DDX60: variants seen among roughly 807,000 people sequenced by gnomAD.
DDX60 encodes the protein DExD/H-box helicase 60.
In DDX60, 165 loss-of-function variants were observed where a neutral mutation model predicts 212.8. The observed-to-expected ratio is 0.78, with a 90% CI of 0.68 to 0.88. The LOEUF (loss-of-function observed/expected upper bound fraction) is 0.88, where lower values mean the gene tolerates loss of function less well. Ranked by LOEUF, DDX60 falls within the 40% of genes least tolerant of loss-of-function variation. The pLI is 0.00. For synonymous variants in DDX60, 703 were observed against 685.3 expected, an observed-to-expected ratio of 1.03 and a Z score of -0.40; for missense variants, 1,905 against 2,003.9, an observed-to-expected ratio of 0.95 and a Z score of 0.94.
In DDX60 at chr4:168,236,065, T is replaced by A; in HGVS notation, c.4533+187A>T. 6 of 482,196 alleles carry A rather than the reference T, an allele frequency of 1.2e-5. No homozygotes were observed. The South Asian group carries it at 2.3e-4, about 19-fold the overall frequency. 29.9% of individuals were successfully genotyped at this position (482,196 alleles called of 1,614,324 possible). A position where few individuals can be genotyped will look rare whatever the true frequency, so the allele number is the denominator to read the frequency against. Reference sequence around the variant, plus strand: ...TTTTTTCACAAAGACTTTAACTTTTTGGTAGATTTACAGAGGGAGACATCA... The same window carrying A: ...TTTTTTCACAAAGACTTTAACTTTTAGGTAGATTTACAGAGGGAGACATCA... On this transcript the variant is annotated intron_variant, in intron 33 of 37. Transcript: ENST00000393743.
chr4:168,240,090 C>A (rs1427158691), intron 30 of DDX60, among the ~76,000 whole-genome samples: 1 of 152,088 alleles, frequency 6.6e-6, no homozygotes, highest in African/African-American at 2.4e-5. Context: ...CATCTCAACC[C>A]AAAAGCTTCT....
chr4:168,248,075 C>T (rs974941851), intron 29 of DDX60, 113 bp downstream of exon 29: 3 of 606,782 alleles, frequency 4.9e-6, no homozygotes, highest in Non-Finnish European at 8.0e-6. Context: ...GATGAATGTC[C>T]AGTTATGCTA....
rs72975332 is a variant in DDX60 at position 168,252,201 on chromosome 4, C to A, written c.3705+308G>T. On this transcript the variant is annotated intron_variant, in intron 27 of 37. Transcript: ENST00000393743. ...AACGGCAAACATTTTCAGAGGTGAA[C>A]TGTTAACAGGCAAGAAATAATCTAC... 6.5e-3 allele frequency among the ~76,000 whole-genome samples: 984 copies of A among 152,282 alleles called. 10 individuals carry two copies. Among genetic ancestry groups the A allele is most frequent in the African/African-American group, 0.023 (939 of 41,562 alleles).
At chr4:168,251,907 T>C (rs565614017) in intron 27 of DDX60, among the ~76,000 whole-genome samples, 4 of 152,324 alleles carry the variant, frequency 2.6e-5, no homozygotes, top group South Asian at 4.1e-4. Flanking sequence ...ATGACATTGA[T>C]TTTATTATTA....
At chr4:168,256,870 G>A (rs922684396) in intron 25 of DDX60, among the ~76,000 whole-genome samples, 2 of 152,190 alleles carry the variant, frequency 1.3e-5, no homozygotes, top group Admixed American at 1.3e-4. Flanking sequence ...CCTTTCTAAA[G>A]TTTTTATAGA....
At position 168,280,474 on chromosome 4, in the gene DDX60, T is replaced by C. The variant is rs756083577; in HGVS notation, c.1839A>G (p.Lys613=). 43 of 1,614,076 alleles carry C rather than the reference T, an allele frequency of 2.7e-5. No individual in the cohort carries two copies. Among genetic ancestry groups the C allele is most frequent in the Non-Finnish European group, 3.5e-5 (41 of 1,180,036 alleles). ...TCTTTATTCCAGAGTGTAAATTTTC[T>C]TTCAATTGCTCTTCAATAGAAAATG... ...ALSFSIEEQL[K]ENLHSGIKSL... is the part of the protein sequence containing the mutation. The change falls in exon 14 of 38, where the codon AAA becomes AAG. Residue 613 remains lysine (K), a synonymous_variant. Transcript: ENST00000393743.
Position 168,262,809 on chromosome 4 carries a change from T to C in DDX60, c.3040-22A>G, listed in dbSNP as rs868713068. The C allele has an allele frequency of 5.4e-6, 8 of 1,477,348 alleles. No individual in the cohort carries two copies. The Middle Eastern group carries it at 1.5e-3, about 286-fold the overall frequency. The allele number at this position is 1,477,348 out of a possible 1,614,324, so 91.5% of individuals were successfully genotyped here. A position where few individuals can be genotyped will look rare whatever the true frequency, so the allele number is the denominator to read the frequency against. ...CAATCTGTTTAAAATAAAATTAAAA[T>C]TTTTACTCTTTATTTTATTTTATGT... is the stretch of plus-strand genomic sequence containing the variant. On this transcript the variant is annotated intron_variant, in intron 22 of 37. Transcript: ENST00000393743.
chr4:168,291,865 C>G lies in DDX60; in HGVS notation c.924G>C (p.Leu308Phe). The G allele has an allele frequency of 6.2e-7, 1 of 1,613,008 alleles. No individual in the cohort carries two copies. The highest frequency in any genetic ancestry group is 8.5e-7 in the Non-Finnish European group (1 of 1,179,630). The change falls in exon 8 of 38, where the codon TTG becomes TTC. Residue 308 changes from leucine to phenylalanine, a missense_variant. Leu to Phe is a conservative substitution (Grantham distance 22). Transcript: ENST00000393743. ...CCACAGTGAGACAATGCAGTTTACACAAATCTTCCATCTCCTGCAGGGTTA... is the reference window on the plus strand; with the variant it reads ...CCACAGTGAGACAATGCAGTTTACAGAAATCTTCCATCTCCTGCAGGGTTA... The part of the protein sequence containing the change: ...NCLTLQEMED[L>F]CKLHCLTVVF...
intron 11 of DDX60, 63 bp downstream of exon 11, chr4:168,285,330 C>T (rs941238029): frequency 1.1e-6 from 1 of 928,152 alleles, no homozygotes. Flanking sequence ...TCAAATAATC[C>T]TCGTTGAGTA....
In DDX60 at chr4:168,225,573, A is replaced by G. The variant is rs773239866; in HGVS notation, c.4637T>C (p.Leu1546Pro). The stretch of plus-strand genomic sequence containing the variant: ...TTGATATTCCTGATTCATATCAGCC[A>G]GTTTGGAAACAATTCGTAGGAAAGT... ...FTTFLRIVSK[L>P]ADMNQEYQLP... Residue 1546 changes from leucine (L) to proline (P), a missense_variant, in exon 34 of 38, where the codon CTG becomes CCG. Transcript: ENST00000393743. The G allele has an allele frequency of 2.5e-6, 4 of 1,611,460 alleles. No homozygotes were observed. In the Admixed American group the frequency reaches 5.0e-5, roughly 20 times the overall value.
At chr4:168,252,712 T>G in intron 26 of DDX60, 56 bp from the exon 27 acceptor site, 1 of 1,438,130 alleles carries the variant, frequency 7.0e-7, no homozygotes, top group Admixed American at 1.9e-5. Context: ...AATGAAGTAA[T>G]TAATTTGATT....
At chr4:168,275,053 G>A (rs1365431469) in intron 16 of DDX60, among the ~76,000 whole-genome samples, 2 of 151,988 alleles carry the variant, frequency 1.3e-5, no homozygotes, top group East Asian at 1.9e-4. Context: ...ATTGACACAC[G>A]GAAAACCTGG....
intron 19 of DDX60, among the ~76,000 whole-genome samples, chr4:168,270,015 C>G (rs1735021866): frequency 1.3e-5 from 2 of 152,216 alleles, no homozygotes; most frequent in South Asian, 4.1e-4. Context: ...TCTCTCCCTT[C>G]ACAGTTTGTA....
chr4:168,297,380 AAGAG>A (rs139457624), intron 6 of DDX60, among the ~76,000 whole-genome samples: 1 of 43,144 alleles, frequency 2.3e-5, no homozygotes, highest in African/African-American at 2.5e-4. Context: ...GAAAGAAAGA[AAGAG>A]AAAGAAAGAA....
intron 5 of DDX60, among the ~76,000 whole-genome samples, chr4:168,302,643 C>T (rs558091327): frequency 3.3e-5 from 5 of 152,150 alleles, no homozygotes; most frequent in Non-Finnish European, 5.9e-5. Flanking sequence ...TTAACAGCTT[C>T]ATAAAAGTAT....
chr4:168,267,723 A>G (rs760579702), intron 21 of DDX60, 32 bp from the exon 22 acceptor site: 6 of 1,536,082 alleles, frequency 3.9e-6, no homozygotes, highest in East Asian at 4.5e-5. Flanking sequence ...TTCCACATCA[A>G]TGGAAATGTA....
intron 22 of DDX60, chr4:168,263,721 C>T (rs765217016): frequency 5.9e-5 from 9 of 152,098 alleles, no homozygotes; most frequent in Admixed American, 5.9e-4. Context: ...AAAGCAGGCC[C>T]CCACAAGACA....
At position 168,250,963 on chromosome 4, in the gene DDX60, T is replaced by A. The variant is rs374320846; in HGVS notation, c.3849A>T (p.Gly1283=). The change falls in exon 28 of 38, where the codon GGA becomes GGT. Residue 1283 remains glycine (G), a synonymous_variant. Transcript: ENST00000393743. The part of the protein sequence containing the change: ...KQLVEILFRK[G]YLRVVTATGT... ...AAGAAAATTCACCTACCCTAAGATATCCTTTTCTAAAGAGGATTTCAACTA... is the reference window on the plus strand; with the variant it reads ...AAGAAAATTCACCTACCCTAAGATAACCTTTTCTAAAGAGGATTTCAACTA... 6.3e-7 allele frequency: 1 copy of A among 1,596,510 alleles called. No homozygotes were observed. Among genetic ancestry groups the A allele is most frequent in the Non-Finnish European group, 8.5e-7 (1 of 1,171,966 alleles).
intron 18 of DDX60, among the ~76,000 whole-genome samples, chr4:168,272,560 T>C (rs192594805): frequency 6.6e-6 from 1 of 152,354 alleles, no homozygotes; most frequent in East Asian, 1.9e-4. Context: ...GCAGGCCTGA[T>C]GGAGCCTCAG....
Sources: allele counts gnomAD v4.1 joint callset (sites outside exome capture counted in the v4.1 genomes callset), GRCh38; gene constraint gnomAD v4.1.1; transcripts MANE v1.5; gene names NCBI Gene and HGNC (gene_info 2026-07-23, HGNC 2026-07-21).